PIK3R3: variants seen among roughly 807,000 people sequenced by gnomAD.
PIK3R3 encodes phosphoinositide-3-kinase regulatory subunit 3.
PIK3R3 carries 64 observed loss-of-function variants against 62.9 expected under a neutral mutation model. That is an observed-to-expected ratio of 1.02 (90% CI 0.83 to 1.25). The LOEUF (loss-of-function observed/expected upper bound fraction) is 1.25. Among genes scored for constraint, PIK3R3 ranks in the 50% most tolerant of loss-of-function variants. The pLI is 0.00. For missense variants in PIK3R3, 614 were observed against 561.6 expected (o/e 1.09, Z -0.94); for synonymous variants, 165 against 189.0 (o/e 0.87, Z 1.04).
the PIK3R3 span, among the ~76,000 whole-genome samples, chr1:46,140,579 A>G: frequency 6.6e-6 from 1 of 152,214 alleles, no homozygotes; most frequent in African/African-American, 2.4e-5. Context: ...GTGTGTCCTT[A>G]TAAGAAAAAC....
At chr1:46,066,684 G>A (rs919688102) in intron 4 of PIK3R3, among the ~76,000 whole-genome samples, 5 of 152,080 alleles carry the variant, frequency 3.3e-5, no homozygotes, top group African/African-American at 1.2e-4. Context: ...CCAGCTACCG[G>A]GGAGGCTGAG....
intron 1 of PIK3R3, among the ~76,000 whole-genome samples, chr1:46,125,948 G>C (rs897771210): frequency 5.9e-5 from 9 of 151,874 alleles, no homozygotes; most frequent in Non-Finnish European, 1.3e-4. Flanking sequence ...TTTTAGTAGA[G>C]ATAGGGTTTC....
intron 1 of PIK3R3, among the ~76,000 whole-genome samples, chr1:46,092,528 T>TA (rs1651735939): frequency 6.6e-6 from 1 of 152,134 alleles, no homozygotes; most frequent in African/African-American, 2.4e-5. Context: ...CACGCCCGGC[T>TA]AATTTTTTGT....
chr1:46,061,539 G>T (rs1384545891), intron 6 of PIK3R3, among the ~76,000 whole-genome samples: 2 of 152,152 alleles, frequency 1.3e-5, no homozygotes, highest in African/African-American at 2.4e-5. Flanking sequence ...GGGCTACCAG[G>T]GAAAATAAGC....
intron 1 of PIK3R3, among the ~76,000 whole-genome samples, chr1:46,119,011 T>A (rs1258362660): frequency 6.6e-6 from 1 of 152,164 alleles, no homozygotes; most frequent in African/African-American, 2.4e-5. Context: ...TATATTTCCA[T>A]ATGACCTGCT....
chr1:46,168,787 G>A, the PIK3R3 span, among the ~76,000 whole-genome samples: 1 of 152,164 alleles, frequency 6.6e-6, no homozygotes, highest in Non-Finnish European at 1.5e-5. Context: ...TCCAGCTGGG[G>A]ATGGTGGGGA....
intron 1 of PIK3R3, among the ~76,000 whole-genome samples, chr1:46,128,290 C>G (rs1165035773): frequency 4.6e-5 from 7 of 151,962 alleles, no homozygotes; most frequent in Admixed American, 4.6e-4. Flanking sequence ...CTAAAATTAG[C>G]CAGGCATGGT....
At position 46,107,007 on chromosome 1, in the gene PIK3R3, C is replaced by A. The variant is rs184273454; in HGVS notation, c.106+24840G>T. On this transcript the variant is annotated intron_variant, in intron 1 of 9. Coordinates refer to ENST00000262741, the MANE Select transcript of PIK3R3 (RefSeq NM_003629.4). ...AACTCCTGACCTCAGATGATCCACC[C>A]GCCTCAGCCTCCCAAAGTGCTGGGA... Among the ~76,000 whole-genome samples the A allele has an allele frequency of 6.7e-3, 1,019 of 152,170 alleles. 12 individuals are homozygous for A. Among genetic ancestry groups the A allele is most frequent in the African/African-American group, 0.024 (983 of 41,536 alleles).
intron 1 of PIK3R3, among the ~76,000 whole-genome samples, chr1:46,126,303 C>T (rs1398327978): frequency 2.0e-5 from 3 of 150,296 alleles, no homozygotes; most frequent in Non-Finnish European, 3.0e-5. Context: ...TTTGGGAGGC[C>T]GACTCGGGTG....
At chr1:46,136,714 T>G (rs1655948153), upstream of PIK3R3, among the ~76,000 whole-genome samples, 1 of 151,846 alleles carries the variant, frequency 6.6e-6, no homozygotes, top group African/African-American at 2.4e-5. Context: ...GCCTCACTCT[T>G]CCCACTTTGG....
chr1:46,140,233 A>G, the PIK3R3 span, among the ~76,000 whole-genome samples: 46 of 152,154 alleles, frequency 3.0e-4, no homozygotes, highest in African/African-American at 8.0e-4. Flanking sequence ...GCTTCAAGCT[A>G]TCCTCCTGCC....
At position 46,042,221 on chromosome 1, in the gene PIK3R3, A is replaced by G. The variant is rs1279502372; in HGVS notation, c.*1452T>C. ...ATGCCTGCCCCCACTCCATTTGCCT[A>G]GCTTCACTCAGCTGGAAGGCTTAAG... On this transcript the variant is annotated 3_prime_UTR_variant, in exon 10 of 10. Transcript: ENST00000262741. The surrounding 1 kb of genome is among the most constrained non-coding windows in gnomAD (Gnocchi z 4.3). The G allele has an allele frequency of 4.4e-6, 1 of 225,010 alleles. No individual in the cohort carries two copies. The highest frequency in any genetic ancestry group is 6.4e-5 in the East Asian group (1 of 15,634). 13.9% of individuals were successfully genotyped at this position (225,010 alleles called of 1,614,324 possible). A position where few individuals can be genotyped will look rare whatever the true frequency, so the allele number is the denominator to read the frequency against.
At position 46,132,177 on chromosome 1, in the gene PIK3R3, C is replaced by T; in HGVS notation, c.-225G>A. ...CCGAACTTTCAAGCTATGGGCTTTT[C>T]TCCTCAGAGGATTACACAGAGGCTT... On this transcript the variant is annotated 5_prime_UTR_variant, in exon 1 of 10. Transcript: ENST00000262741. 2 of 1,317,674 alleles carry T rather than the reference C, an allele frequency of 1.5e-6. No individual in the cohort carries two copies. Among genetic ancestry groups the T allele is most frequent in the South Asian group, 1.7e-5 (1 of 60,018 alleles). The allele number at this position is 1,317,674 out of a possible 1,614,324, so 81.6% of individuals were successfully genotyped here.
chr1:46,083,780 A>G (rs1427712484), intron 1 of PIK3R3, among the ~76,000 whole-genome samples: 2 of 152,168 alleles, frequency 1.3e-5, no homozygotes, highest in African/African-American at 4.8e-5. Flanking sequence ...ACAGATAATA[A>G]CAAGTGTTGG....
At position 46,120,166 on chromosome 1, in the gene PIK3R3, G is replaced by GT. The variant is rs772180988; in HGVS notation, c.106+11680dup. Among the ~76,000 whole-genome samples, 46 of 152,186 alleles carry GT rather than the reference G, an allele frequency of 3.0e-4. No individual in the cohort carries two copies. The East Asian group carries it at 6.2e-3, about 20-fold the overall frequency. ...TCCAATGCCTATATTCCTCAAATTA[G>GT]TTAACTGTAAACCAGAGATGTTAGC... On this transcript the variant is annotated intron_variant, in intron 1 of 9. Transcript: ENST00000262741.
chr1:46,155,071 G>C, the PIK3R3 span, among the ~76,000 whole-genome samples: 1 of 152,174 alleles, frequency 6.6e-6, no homozygotes, highest in African/African-American at 2.4e-5. Context: ...TGAAATCCTT[G>C]CAATTTGGGA....
At chr1:46,143,441 G>GTGT in the PIK3R3 span, among the ~76,000 whole-genome samples, 1 of 151,670 alleles carries the variant, frequency 6.6e-6, no homozygotes, top group Non-Finnish European at 1.5e-5. Flanking sequence ...TTAGGTTTGA[G>GTGT]TGTTTTGTTT....
At chr1:46,114,034 G>T (rs187234598) in intron 1 of PIK3R3, among the ~76,000 whole-genome samples, 68 of 152,322 alleles carry the variant, frequency 4.5e-4, no homozygotes, top group Non-Finnish European at 9.0e-4. Flanking sequence ...TGAGCTTCTT[G>T]AGGACAGGGA....
the PIK3R3 span, among the ~76,000 whole-genome samples, chr1:46,171,929 G>A: frequency 2.6e-5 from 4 of 152,254 alleles, no homozygotes; most frequent in African/African-American, 9.6e-5. Flanking sequence ...GAAACTCAGG[G>A]CTAGAGGAAG....
Sources: allele counts gnomAD v4.1 joint callset (sites outside exome capture counted in the v4.1 genomes callset), GRCh38; gene constraint gnomAD v4.1.1; non-coding constraint Gnocchi (gnomAD v3.1); transcripts MANE v1.5; gene names NCBI Gene and HGNC (gene_info 2026-07-23, HGNC 2026-07-21).